HOOK1: variants seen among roughly 807,000 people sequenced by gnomAD.
HOOK1 encodes protein Hook homolog 1.
HOOK1 carries 60 observed loss-of-function variants against 112.8 expected under a neutral mutation model. The observed-to-expected ratio is 0.53, with a 90% CI of 0.43 to 0.66. The LOEUF (loss-of-function observed/expected upper bound fraction) is 0.66, where lower values mean the gene tolerates loss of function less well. Among genes scored for constraint, HOOK1 ranks in the 30% least tolerant of loss-of-function variants. HOOK1 has a pLI of 0.00. For synonymous variants in HOOK1, 294 were observed against 283.8 expected, an observed-to-expected ratio of 1.04 and a Z score of -0.36; for missense variants, 770 against 856.0, an observed-to-expected ratio of 0.90 and a Z score of 1.25.
chr1:59,855,782 AT>A (rs898827592), intron 12 of HOOK1, among the ~76,000 whole-genome samples: 6 of 146,930 alleles, frequency 4.1e-5, no homozygotes, highest in Admixed American at 1.4e-4. Context: ...ATTTTATTTT[AT>A]TTTTTTTGAG....
At chr1:59,833,642 C>A in intron 5 of HOOK1, 105 bp downstream of exon 5, 1 of 941,738 alleles carries the variant, frequency 1.1e-6, no homozygotes, top group Non-Finnish European at 1.5e-6. Context: ...CAGAAAGCAC[C>A]CTGAAACGTA....
intron 11 of HOOK1, 111 bp downstream of exon 11, chr1:59,848,627 C>T: frequency 4.4e-6 from 3 of 689,452 alleles, no homozygotes; most frequent in Non-Finnish European, 7.3e-6. Context: ...ATGTAATAAG[C>T]TATGAACTTA....
intron 8 of HOOK1, among the ~76,000 whole-genome samples, chr1:59,843,000 TTATACTCTCAAC>T (rs1368390117): frequency 6.6e-6 from 1 of 152,026 alleles, no homozygotes; most frequent in Non-Finnish European, 1.5e-5. Context: ...ACTGATAATT[TTATACTCTCAAC>T]CTATCATGAT....
chr1:59,846,867 A>C (rs1441265623), intron 9 of HOOK1, among the ~76,000 whole-genome samples, 178 bp from the exon 10 acceptor site: 3 of 151,578 alleles, frequency 2.0e-5, no homozygotes, highest in African/African-American at 7.3e-5. Context: ...TTATTATTAG[A>C]GAACATGGTC....
At chr1:59,851,243 T>C (rs78216592) in intron 12 of HOOK1, among the ~76,000 whole-genome samples, 2,163 of 151,774 alleles carry the variant, frequency 0.014, 38 homozygotes, top group African/African-American at 0.049. Flanking sequence ...TAAGAACTTC[T>C]TGATCTATAG....
Position 59,855,628 on chromosome 1 carries a change from A to C in HOOK1, c.1243-2800A>C, listed in dbSNP as rs1023269245. ...ATGTGCTACTTTTAAAGAATAAGGA[A>C]ATTTTATAACTTTTCATAAAATTTG... On this transcript the variant is annotated intron_variant, in intron 12 of 21. Transcript: ENST00000371208. Among the ~76,000 whole-genome samples the C allele has an allele frequency of 5.7e-4, 87 of 152,030 alleles. 1 individual carries two copies. The highest frequency in any genetic ancestry group is 5.6e-3 in the Admixed American group (85 of 15,236).
chr1:59,852,070 A>G lies in HOOK1; in HGVS notation c.1242+2887A>G, dbSNP rs145140142. On this transcript the variant is annotated intron_variant, in intron 12 of 21. Coordinates refer to ENST00000371208, the MANE Select transcript of HOOK1 (RefSeq NM_015888.6). ...AGTATATTGCCAGATTCAGTTTGCA[A>G]ATATTTCATTGAAGATTTTTCCATC... is the stretch of plus-strand genomic sequence containing the variant. Among the ~76,000 whole-genome samples, 125 of 151,842 alleles carry G rather than the reference A, an allele frequency of 8.2e-4. 2 individuals are homozygous for G. The East Asian group carries it at 0.012, about 15-fold the overall frequency.
intron 18 of HOOK1, 130 bp downstream of exon 18, chr1:59,865,375 A>G (rs1380430606): frequency 3.9e-6 from 2 of 512,666 alleles, no homozygotes; most frequent in Admixed American, 3.4e-5. Flanking sequence ...AATAAGGACT[A>G]TGATAATTTT....
At chr1:59,872,274 A>G (rs1247100694) in intron 21 of HOOK1, among the ~76,000 whole-genome samples, 2 of 152,214 alleles carry the variant, frequency 1.3e-5, no homozygotes, top group African/African-American at 2.4e-5. Context: ...AATTTAATCT[A>G]TACTGGTGGT....
intron 2 of HOOK1, among the ~76,000 whole-genome samples, chr1:59,827,787 G>A (rs1308119088): frequency 6.6e-6 from 1 of 151,600 alleles, no homozygotes; most frequent in Non-Finnish European, 1.5e-5. Flanking sequence ...TAGAACATAT[G>A]AGCAGAAAGG....
rs750614241 is a variant in HOOK1 at position 59,848,395 on chromosome 1, G to A, written c.1010G>A (p.Arg337His). The change falls in exon 11 of 22, where the codon CGC becomes CAC. Residue 337 changes from arginine to histidine, a missense_variant. Transcript: ENST00000371208. ...AAGCTACAAGATCTGAATGACCTTC[G>A]CAAGCAGGTGAAAACTTTACAGGAA... ...RQKLQDLNDL[R>H]KQVKTLQETN... 17 of 1,610,738 alleles carry A rather than the reference G, an allele frequency of 1.1e-5. No individual in the cohort carries two copies. Among genetic ancestry groups the A allele is most frequent in the Middle Eastern group, 3.3e-4 (2 of 6,072 alleles).
intron 7 of HOOK1, among the ~76,000 whole-genome samples, chr1:59,838,838 A>G (rs551469501): frequency 4.6e-5 from 7 of 152,194 alleles, no homozygotes; most frequent in African/African-American, 1.7e-4. Flanking sequence ...TATGTCTTAC[A>G]TTTAAGTCTT....
rs116221184 is a variant in HOOK1, at chr1:59,857,862, T to A, written c.1243-566T>A. On this transcript the variant is annotated intron_variant, in intron 12 of 21. Transcript: ENST00000371208. ...TTGCTGTCCTTGGGAAATGGTGTTT[T>A]TCCGCCAATGTGTATCTCCAGGATA... Among the ~76,000 whole-genome samples the A allele has an allele frequency of 1.4e-3, 219 of 152,300 alleles. 1 individual carries two copies. The highest frequency in any genetic ancestry group is 5.1e-3 in the African/African-American group (213 of 41,568).
At chr1:59,858,964 T>C (rs1182748728) in intron 13 of HOOK1, 21 bp from the exon 14 acceptor site, 11 of 1,439,334 alleles carry the variant, frequency 7.6e-6, no homozygotes, top group African/African-American at 1.4e-5. Flanking sequence ...AAATGCTAAT[T>C]TATTTTTTGT....
chr1:59,814,973 C>G lies in HOOK1; in HGVS notation c.-145C>G, dbSNP rs1022672724. The G allele has an allele frequency of 7.9e-6, 6 of 760,584 alleles. No individual in the cohort carries two copies. In the African/African-American group the frequency reaches 9.1e-5, roughly 12 times the overall value. The allele number at this position is 760,584 out of a possible 1,614,324, so 47.1% of individuals were successfully genotyped here. ...GGTGACGCCGGACGCGTCGACAGCGCGAGGGTTCGCGCGTGAGCTGCGCGG... is the reference window on the plus strand; with the variant it reads ...GGTGACGCCGGACGCGTCGACAGCGGGAGGGTTCGCGCGTGAGCTGCGCGG... On this transcript the variant is annotated 5_prime_UTR_variant, in exon 1 of 22. Transcript: ENST00000371208.
At chr1:59,871,841 T>C (rs1168504462) in intron 21 of HOOK1, among the ~76,000 whole-genome samples, 1 of 152,254 alleles carries the variant, frequency 6.6e-6, no homozygotes, top group Non-Finnish European at 1.5e-5. Flanking sequence ...TCCTGAAACA[T>C]GGCTCATGCT....
At chr1:59,866,584 G>A (rs1005881530) in intron 19 of HOOK1, among the ~76,000 whole-genome samples, 1 of 152,038 alleles carries the variant, frequency 6.6e-6, no homozygotes, top group Non-Finnish European at 1.5e-5. Context: ...GGGATCCCAG[G>A]TTCACTTGAC....
intron 17 of HOOK1, 46 bp downstream of exon 17, chr1:59,864,712 T>C: frequency 8.5e-7 from 1 of 1,172,846 alleles, no homozygotes; most frequent in Non-Finnish European, 1.2e-6. Flanking sequence ...AGGGAGGGGT[T>C]GTAAAAGCCT....
chr1:59,822,169 A>T (rs3767998), intron 2 of HOOK1, among the ~76,000 whole-genome samples: 7,223 of 152,222 alleles, frequency 0.047, 404 homozygotes, highest in African/African-American at 0.13. Context: ...TGTGATCAGG[A>T]TTCTTATTTA....
Sources: allele counts gnomAD v4.1 joint callset (sites outside exome capture counted in the v4.1 genomes callset), GRCh38; gene constraint gnomAD v4.1.1; transcripts MANE v1.5; gene names NCBI Gene and HGNC (gene_info 2026-07-23, HGNC 2026-07-21).